The following GNAL variants were observed in gnomAD, a reference collection of about 807,000 sequenced individuals.
GNAL encodes the protein guanine nucleotide-binding protein G(olf) subunit alpha.
In GNAL, 18 loss-of-function variants were observed where a neutral mutation model predicts 55.1. That is an observed-to-expected ratio of 0.33 (90% confidence interval 0.23 to 0.48). The LOEUF (loss-of-function observed/expected upper bound fraction) is 0.48. GNAL is among the 20% of genes least tolerant of loss of function. GNAL has a pLI of 0.99. For missense variants in GNAL, 412 were observed against 614.1 expected, an observed-to-expected ratio of 0.67 and a Z score of 3.48; for synonymous variants, 253 against 237.0, an observed-to-expected ratio of 1.07 and a Z score of -0.62.
chr18:11,884,838 GGCCCAAGTGT>G lies in GNAL; in HGVS notation c.*3707_*3716del. On this transcript the variant is annotated 3_prime_UTR_variant, in exon 12 of 12. Coordinates refer to ENST00000334049, the MANE Select transcript of GNAL (RefSeq NM_182978.4). ...AGGCTCCAGCAGGAGAGACAAGTAA[GGCCCAAGTGT>G]GCCTGAGTGGAAAATGTCTGGGACA... 3 of 1,387,496 alleles carry G rather than the reference GGCCCAAGTGT, an allele frequency of 2.2e-6. No individual in the cohort carries two copies. The South Asian group carries it at 4.6e-5, about 21-fold the overall frequency. The allele number at this position is 1,387,496 out of a possible 1,614,324, so 85.9% of individuals were successfully genotyped here. A position where few individuals can be genotyped will look rare whatever the true frequency, so the allele number is the denominator to read the frequency against.
chr18:11,767,784 A>C (rs2033459191), intron 4 of GNAL, among the ~76,000 whole-genome samples: 1 of 152,086 alleles, frequency 6.6e-6, no homozygotes, highest in African/African-American at 2.4e-5. Context: ...CCATCCCACC[A>C]GGTCTTGCTC....
rs140158417 is a variant in GNAL, at chr18:11,794,373, C to T, written c.625-30545C>T. 7.2e-5 allele frequency among the ~76,000 whole-genome samples: 11 copies of T among 152,260 alleles called. No individual in the cohort carries two copies. In the East Asian group the frequency reaches 1.5e-3, roughly 21 times the overall value. On this transcript the variant is annotated intron_variant, in intron 4 of 11. Coordinates refer to ENST00000334049, the MANE Select transcript of GNAL (RefSeq NM_182978.4). ...ATGGATAAACAAAATGTCTTCTATC[C>T]GTGCAAGGGAATATTACTCAGCCAT...
chr18:11,828,117 T>A (rs934666181), intron 5 of GNAL, among the ~76,000 whole-genome samples: 2 of 152,212 alleles, frequency 1.3e-5, no homozygotes, highest in African/African-American at 4.8e-5. Context: ...TTGGAAAGGC[T>A]CTCAGGGGAA....
chr18:11,789,967 G>T (rs554584971), intron 4 of GNAL, among the ~76,000 whole-genome samples: 1 of 152,204 alleles, frequency 6.6e-6, no homozygotes, highest in African/African-American at 2.4e-5. Flanking sequence ...GTAAACACAG[G>T]AATAGTTGAA....
chr18:11,773,004 A>G (rs779598865), intron 4 of GNAL, among the ~76,000 whole-genome samples: 8 of 152,086 alleles, frequency 5.3e-5, no homozygotes, highest in African/African-American at 1.9e-4. Flanking sequence ...CTGCCCTTCT[A>G]TGCTACAGGC....
intron 1 of GNAL, among the ~76,000 whole-genome samples, chr18:11,702,665 C>A (rs954671698): frequency 1.3e-5 from 2 of 152,048 alleles, no homozygotes; most frequent in Admixed American, 1.3e-4. Flanking sequence ...GAGCTTATGA[C>A]CCTGTGCGGG....
intron 1 of GNAL, among the ~76,000 whole-genome samples, chr18:11,723,091 G>A (rs2032135366): frequency 6.6e-6 from 1 of 152,016 alleles, no homozygotes; most frequent in Admixed American, 6.6e-5. Context: ...GGCTAAGGCA[G>A]GAGAATCACT....
chr18:11,880,851 C>T, intron 11 of GNAL, 138 bp from the exon 12 acceptor site: 1 of 823,280 alleles, frequency 1.2e-6, no homozygotes, highest in South Asian at 1.7e-5. Context: ...TGAGACCATT[C>T]CTGCCTCTAA....
At chr18:11,867,982 G>A (rs1446143928) in intron 8 of GNAL, among the ~76,000 whole-genome samples, 6 of 151,624 alleles carry the variant, frequency 4.0e-5, no homozygotes, top group Admixed American at 1.3e-4. Flanking sequence ...AAAATTAGCC[G>A]GGTGTTATGG....
chr18:11,785,290 A>G (rs1259229742), intron 4 of GNAL, among the ~76,000 whole-genome samples: 3 of 152,172 alleles, frequency 2.0e-5, no homozygotes, highest in Non-Finnish European at 2.9e-5. Context: ...ACTCTTTCCC[A>G]TGATATCATC....
At chr18:11,843,257 G>A (rs2035657931) in intron 5 of GNAL, among the ~76,000 whole-genome samples, 1 of 151,942 alleles carries the variant, frequency 6.6e-6, no homozygotes, top group African/African-American at 2.4e-5. Flanking sequence ...CTAGCACTTT[G>A]GGAGGCCAAG....
rs555664571 is a variant in GNAL at position 11,749,443 on chromosome 18, T to C, written c.377-3410T>C. ...AACAAATATTTTTTACGTGTGGTCA[T>C]GAAATTCCTTTGATGAGAATTCACA... is the stretch of plus-strand genomic sequence containing the variant. On this transcript the variant is annotated intron_variant, in intron 1 of 11. Coordinates refer to ENST00000334049, the MANE Select transcript of GNAL (RefSeq NM_182978.4). Among the ~76,000 whole-genome samples, 13 of 152,382 alleles carry C rather than the reference T, an allele frequency of 8.5e-5. No individual in the cohort carries two copies. In the South Asian group the frequency reaches 2.5e-3, roughly 29 times the overall value.
At chr18:11,853,149 T>C (rs1412107768) in intron 5 of GNAL, 1 of 167,088 alleles carries the variant, frequency 6.0e-6, no homozygotes, top group Non-Finnish European at 1.5e-5. Context: ...CATTTATTAA[T>C]TTGTCCAAAA....
At chr18:11,880,121 G>GGCATGGTGA (rs1567908507) in intron 11 of GNAL, among the ~76,000 whole-genome samples, 1 of 151,128 alleles carries the variant, frequency 6.6e-6, no homozygotes. Context: ...GCCAGGCGTG[G>GGCATGGTGA]TGGCGCACGC....
At position 11,882,801 on chromosome 18, in the gene GNAL, G is replaced by T. The variant is rs1430132465; in HGVS notation, c.*1666G>T. On this transcript the variant is annotated 3_prime_UTR_variant, in exon 12 of 12. Coordinates refer to ENST00000334049, the MANE Select transcript of GNAL (RefSeq NM_182978.4). ...AAACATTACAAAACCTTAATCTGAA[G>T]TATAAAGTCAAAAGATACGGCTCTT... The T allele has an allele frequency of 1.3e-5, 2 of 151,764 alleles. No homozygotes were observed. The highest frequency in any genetic ancestry group is 2.9e-5 in the Non-Finnish European group (2 of 67,980). The allele number at this position is 151,764 out of a possible 1,614,324, so 9.4% of individuals were successfully genotyped here. A position where few individuals can be genotyped will look rare whatever the true frequency, so the allele number is the denominator to read the frequency against.
chr18:11,874,030 GAC>G (rs1003011506), intron 10 of GNAL: 18 of 152,400 alleles, frequency 1.2e-4, no homozygotes, highest in African/African-American at 4.1e-4. Flanking sequence ...ACCCTTCTGA[GAC>G]ACAACCTTAC....
chr18:11,747,885 G>T (rs2032726100), intron 1 of GNAL, among the ~76,000 whole-genome samples: 1 of 152,014 alleles, frequency 6.6e-6, no homozygotes, highest in African/African-American at 2.4e-5. Context: ...TGGCTCCCAG[G>T]GCAGCCCTGG....
intron 6 of GNAL, among the ~76,000 whole-genome samples, chr18:11,862,777 C>A (rs1441371352): frequency 1.3e-5 from 2 of 151,812 alleles, no homozygotes; most frequent in Non-Finnish European, 2.9e-5. Flanking sequence ...TATGCCCATT[C>A]TGTTTGTGGC....
intron 1 of GNAL, among the ~76,000 whole-genome samples, chr18:11,696,381 T>C (rs2031413768): frequency 6.6e-6 from 1 of 151,910 alleles, no homozygotes; most frequent in African/African-American, 2.4e-5. Flanking sequence ...GGCGGGCACC[T>C]GTAGTCCCAG....
Sources: gnomAD v4.1 joint callset for allele counts (sites outside exome capture counted in the v4.1 genomes callset) on GRCh38, gnomAD v4.1.1 for gene constraint, MANE v1.5 for transcripts, NCBI Gene and HGNC (gene_info 2026-07-23, HGNC 2026-07-21) for gene names.